The following ADAMTSL1 variants were observed in gnomAD, a reference collection of about 807,000 sequenced individuals.
The protein encoded by ADAMTSL1 is ADAMTS-like protein 1.
ADAMTSL1 carries 126 observed loss-of-function variants against 201.8 expected under a neutral mutation model. That is an observed-to-expected ratio of 0.62 (90% CI 0.54 to 0.72). The LOEUF is 0.72. Ranked by LOEUF, ADAMTSL1 falls within the 30% of genes least tolerant of loss-of-function variation. ADAMTSL1 has a pLI of 0.00. For missense variants in ADAMTSL1, 2,679 were observed against 2,277.8 expected (o/e 1.18, Z -3.59); for synonymous variants, 1,121 against 903.4 (o/e 1.24, Z -4.32).
intron 2 of ADAMTSL1, among the ~76,000 whole-genome samples, chr9:18,289,478 A>G (rs1490209169): frequency 6.6e-6 from 1 of 152,244 alleles, no homozygotes; most frequent in African/African-American, 2.4e-5. Flanking sequence ...ATGCAATGAT[A>G]CAGAGTTCAG....
intron 15 of ADAMTSL1, chr9:18,723,258 G>T (rs1817657164): frequency 3.3e-6 from 2 of 614,898 alleles, no homozygotes; most frequent in South Asian, 3.9e-5. Context: ...TACTCCTGCT[G>T]CTGTGTGCTA....
At chr9:18,904,500 G>A (rs923203668) in intron 26 of ADAMTSL1, among the ~76,000 whole-genome samples, 3 of 151,322 alleles carry the variant, frequency 2.0e-5, no homozygotes, top group African/African-American at 2.4e-5. Flanking sequence ...TTAAAAATAC[G>A]GTTAAAGAGA....
chr9:18,315,058 A>C (rs924398259), intron 2 of ADAMTSL1, among the ~76,000 whole-genome samples: 8 of 151,638 alleles, frequency 5.3e-5, no homozygotes, highest in African/African-American at 1.9e-4. Flanking sequence ...GGCCTCCCAA[A>C]GCAGCCTGCT....
chr9:18,627,183 T>C (rs1442488382), intron 5 of ADAMTSL1, among the ~76,000 whole-genome samples: 2 of 152,112 alleles, frequency 1.3e-5, no homozygotes, highest in Non-Finnish European at 2.9e-5. Context: ...GGTTTTGCCA[T>C]GTTGGCCAGG....
intron 2 of ADAMTSL1, among the ~76,000 whole-genome samples, chr9:18,175,989 G>C (rs1464595300): frequency 7.0e-6 from 1 of 141,896 alleles, no homozygotes; most frequent in Non-Finnish European, 1.5e-5. Flanking sequence ...TTAGGGAAGG[G>C]GCTAAGAAGA....
At chr9:18,307,061 T>C (rs1833938355) in intron 2 of ADAMTSL1, among the ~76,000 whole-genome samples, 1 of 152,106 alleles carries the variant, frequency 6.6e-6, no homozygotes, top group South Asian at 2.1e-4. Context: ...AAGAAAAGAA[T>C]TTTCAACCCA....
rs892434214 is a variant in ADAMTSL1 at position 18,070,194 on chromosome 9, A to T, written c.88-93668A>T. 1.5e-4 allele frequency among the ~76,000 whole-genome samples: 23 copies of T among 152,218 alleles called. 1 individual carries two copies. The highest frequency in any genetic ancestry group is 2.9e-5 in the Non-Finnish European group (2 of 68,044). ...CATTCAAAGAACCAGAATAACCATA[A>T]AAAGGACTGGATAGGAGAGCACCGT... On this transcript the variant is annotated intron_variant, in intron 1 of 29. Coordinates refer to the ADAMTSL1 transcript ENST00000680146.
intron 1 of ADAMTSL1, among the ~76,000 whole-genome samples, chr9:18,163,571 G>A (rs1827497586): frequency 6.6e-6 from 1 of 151,934 alleles, no homozygotes; most frequent in Admixed American, 6.6e-5. Context: ...CTAGGAGCCT[G>A]ACCATATTGG....
intron 1 of ADAMTSL1, among the ~76,000 whole-genome samples, chr9:18,096,881 T>C (rs941090344): frequency 1.3e-5 from 2 of 152,212 alleles, no homozygotes; most frequent in African/African-American, 4.8e-5. Context: ...AATAATATGG[T>C]ATGTACTCCT....
chr9:17,955,495 A>G (rs540720997), intron 1 of ADAMTSL1, among the ~76,000 whole-genome samples: 1 of 152,344 alleles, frequency 6.6e-6, no homozygotes, highest in South Asian at 2.1e-4. Context: ...CAGCAGTTTC[A>G]GTCACCCACG....
intron 2 of ADAMTSL1, among the ~76,000 whole-genome samples, chr9:18,263,954 C>T (rs144439226): frequency 4.6e-5 from 7 of 152,290 alleles, no homozygotes; most frequent in Non-Finnish European, 8.8e-5. Flanking sequence ...CAGTGTATGG[C>T]ATTTTGTTAG....
chr9:18,583,664 G>A (rs1823268124), intron 4 of ADAMTSL1, among the ~76,000 whole-genome samples: 1 of 152,188 alleles, frequency 6.6e-6, no homozygotes, highest in Non-Finnish European at 1.5e-5. Flanking sequence ...ACACCAGCCA[G>A]TAAAAGCAGC....
rs554941268 is a variant in ADAMTSL1 at position 18,285,823 on chromosome 9, T to C, written c.207+121842T>C. On this transcript the variant is annotated intron_variant, in intron 2 of 29. Coordinates refer to the ADAMTSL1 transcript ENST00000680146. ...TGCTGTTTGTTTCTGTTTTCTTACA[T>C]ATAACAGCATTATCAAGATATAATT... is the stretch of plus-strand genomic sequence containing the variant. 2.0e-5 allele frequency among the ~76,000 whole-genome samples: 3 copies of C among 152,274 alleles called. No homozygotes were observed. In the South Asian group the frequency reaches 6.2e-4, roughly 32 times the overall value.
At chr9:18,462,076 T>C (rs1038064146) in intron 2 of ADAMTSL1, among the ~76,000 whole-genome samples, 1 of 152,334 alleles carries the variant, frequency 6.6e-6, no homozygotes, top group African/African-American at 2.4e-5. Context: ...AGTTCAAGCC[T>C]TTATTGTTCA....
chr9:18,657,900 C>T (rs183588182), intron 8 of ADAMTSL1, 150 bp downstream of exon 8: 1 of 634,408 alleles, frequency 1.6e-6, no homozygotes, highest in Non-Finnish European at 2.8e-6. Context: ...TCGAGGCCCT[C>T]CTGTAAGGCA....
chr9:18,318,328 G>A (rs758497771), intron 2 of ADAMTSL1, among the ~76,000 whole-genome samples: 2 of 152,062 alleles, frequency 1.3e-5, no homozygotes, highest in East Asian at 1.9e-4. Flanking sequence ...TTAGACTAAT[G>A]GTTTTCAAAC....
chr9:18,504,921 G>A lies in ADAMTSL1; in HGVS notation c.156G>A (p.Gly52=), dbSNP rs758866537. 2 of 1,611,542 alleles carry A rather than the reference G, an allele frequency of 1.2e-6. No individual in the cohort carries two copies. Among genetic ancestry groups the A allele is most frequent in the South Asian group, 2.2e-5 (2 of 90,954 alleles). Residue 52 remains glycine, a synonymous_variant, in exon 2 of 29, where the codon GGG becomes GGA. Transcript: ENST00000380548. ...AATGCTCACGCACCTGCGGGGGTGG[G>A]GCCTCCTACTCTCTGAGGCGCTGCC... ...WSECSRTCGG[G]ASYSLRRCLS...
intron 23 of ADAMTSL1, among the ~76,000 whole-genome samples, chr9:18,842,924 A>G (rs376298637): frequency 2.2e-4 from 33 of 152,140 alleles, no homozygotes; most frequent in Admixed American, 6.5e-4. Flanking sequence ...GAGCCTATGC[A>G]TGTCTCTGCG....
intron 2 of ADAMTSL1, among the ~76,000 whole-genome samples, chr9:18,348,808 T>G (rs73430945): frequency 0.037 from 5,627 of 152,214 alleles, 372 homozygotes; most frequent in African/African-American, 0.13. Context: ...TATTTTTAAT[T>G]TAACTGCCAT....
Sources: gnomAD v4.1 joint callset for allele counts (sites outside exome capture counted in the v4.1 genomes callset) on GRCh38, gnomAD v4.1.1 for gene constraint, MANE v1.5 for transcripts, NCBI Gene and HGNC (gene_info 2026-07-23, HGNC 2026-07-21) for gene names.